CCNT1: variants seen among roughly 807,000 people sequenced by gnomAD.
CCNT1 encodes the protein cyclin-T1.
Under a neutral mutation model 67.3 loss-of-function variants are expected in CCNT1, and 18 were observed. That is an observed-to-expected ratio of 0.27 (90% confidence interval 0.18 to 0.40). The LOEUF (loss-of-function observed/expected upper bound fraction) is 0.40, where lower values mean the gene tolerates loss of function less well. Among genes scored for constraint, CCNT1 ranks in the 10% least tolerant of loss-of-function variants. The pLI is 1.00. For missense variants in CCNT1, 744 were observed against 884.9 expected, an observed-to-expected ratio of 0.84 and a Z score of 2.02; for synonymous variants, 333 against 310.3, an observed-to-expected ratio of 1.07 and a Z score of -0.77.
intron 3 of CCNT1, among the ~76,000 whole-genome samples, chr12:48,701,935 T>A (rs565074814): frequency 1.3e-5 from 2 of 149,132 alleles, no homozygotes; most frequent in South Asian, 4.2e-4. Context: ...CTCGCTCTGC[T>A]GCTCAGGCTG....
Position 48,693,636 on chromosome 12 carries a change from G to C in CCNT1, c.1578C>G (p.His526Gln). ...NHHHHHNHHS[H>Q]KHSHSQLPVG... The stretch of plus-strand genomic sequence containing the variant: ...CTGGAAGTTGGGAATGAGAGTGCTT[G>C]TGTGAGTGGTGATTATGATGATGAT... The change falls in exon 9 of 9, where the codon CAC becomes CAG. Residue 526 changes from histidine to glutamine, a missense_variant. Transcript: ENST00000261900. 6.2e-7 allele frequency: 1 copy of C among 1,614,180 alleles called. No individual in the cohort carries two copies. Among genetic ancestry groups the C allele is most frequent in the Non-Finnish European group, 8.5e-7 (1 of 1,180,028 alleles).
rs538576501 is a variant in CCNT1, at chr12:48,696,828, G to A, written c.543-666C>T. ...CAAGTCATTTGGTAATACAAGTTATGTACTAATCATTTACTTTTTTTAGAC... is the reference window on the plus strand; with the variant it reads ...CAAGTCATTTGGTAATACAAGTTATATACTAATCATTTACTTTTTTTAGAC... On this transcript the variant is annotated intron_variant, in intron 6 of 8. Transcript: ENST00000261900. 4.6e-5 allele frequency among the ~76,000 whole-genome samples: 7 copies of A among 152,260 alleles called. 1 individual carries two copies. Among genetic ancestry groups the A allele is most frequent in the South Asian group, 2.1e-4 (1 of 4,826 alleles).
At chr12:48,694,514 T>C in intron 8 of CCNT1, 78 bp from the exon 9 acceptor site, 1 of 1,324,384 alleles carries the variant, frequency 7.6e-7, no homozygotes, top group Non-Finnish European at 1.0e-6. Flanking sequence ...AGATTGTACT[T>C]GCAGCAACAC....
Position 48,693,614 on chromosome 12 carries a change from G to A in CCNT1, c.1600C>T (p.Pro534Ser). 1 of 1,614,152 alleles carries A rather than the reference G, an allele frequency of 6.2e-7. No individual in the cohort carries two copies. The highest frequency in any genetic ancestry group is 1.1e-5 in the South Asian group (1 of 91,086). The change falls in exon 9 of 9, where the codon CCA becomes TCA. Residue 534 changes from proline (P) to serine (S), a missense_variant. This residue lies in a region of CCNT1 where 564 missense variants were observed against 574.2 expected (regional missense o/e 0.98). Coordinates refer to ENST00000261900, the MANE Select transcript of CCNT1 (RefSeq NM_001240.4). Reference protein sequence around the residue: ...HSHKHSHSQLPVGTGNKRPGD... With the variant: ...HSHKHSHSQLSVGTGNKRPGD... The stretch of plus-strand genomic sequence containing the variant: ...GGACGTTTGTTCCCAGTACCAACTG[G>A]AAGTTGGGAATGAGAGTGCTTGTGT...
intron 3 of CCNT1, among the ~76,000 whole-genome samples, chr12:48,703,487 C>G (rs1438733251): frequency 6.6e-6 from 1 of 151,150 alleles, no homozygotes; most frequent in South Asian, 2.1e-4. Flanking sequence ...GCAGGCAAAT[C>G]GCTTGAACCC....
chr12:48,703,952 A>G (rs1940314079), intron 3 of CCNT1, among the ~76,000 whole-genome samples: 1 of 152,180 alleles, frequency 6.6e-6, no homozygotes, highest in African/African-American at 2.4e-5. Context: ...AATATTTTTC[A>G]TAACATTTAT....
At chr12:48,706,222 G>A (rs148021228) in intron 2 of CCNT1, among the ~76,000 whole-genome samples, 31 of 152,278 alleles carry the variant, frequency 2.0e-4, no homozygotes, top group African/African-American at 6.3e-4. Context: ...TTTTTAAGGA[G>A]TAAACTGAAA....
chr12:48,697,522 T>TAAAAAAAAAAAAAAA (rs1205232506), intron 6 of CCNT1, among the ~76,000 whole-genome samples: 3 of 116,800 alleles, frequency 2.6e-5, no homozygotes, highest in African/African-American at 1.0e-4. Context: ...GACTCTGTCT[T>TAAAAAAAAAAAAAAA]AAAAAAAAAA....
Position 48,692,884 on chromosome 12 carries a change from C to G in CCNT1, c.*149G>C, listed in dbSNP as rs1394709278. The G allele has an allele frequency of 4.9e-6, 3 of 610,486 alleles. No individual in the cohort carries two copies. The highest frequency in any genetic ancestry group is 4.3e-4 in the Middle Eastern group (1 of 2,314). The allele number at this position is 610,486 out of a possible 1,614,324, so 37.8% of individuals were successfully genotyped here. A position where few individuals can be genotyped will look rare whatever the true frequency, so the allele number is the denominator to read the frequency against. On this transcript the variant is annotated 3_prime_UTR_variant, in exon 9 of 9. Coordinates refer to ENST00000261900, the MANE Select transcript of CCNT1 (RefSeq NM_001240.4). Reference sequence around the variant, plus strand: ...ACAGCAGATATATAGCCAAGGCCTTCTACCACCCTCCTAACTATGTCTCAA... The same window carrying G: ...ACAGCAGATATATAGCCAAGGCCTTGTACCACCCTCCTAACTATGTCTCAA...
intron 2 of CCNT1, among the ~76,000 whole-genome samples, chr12:48,709,099 T>C (rs938080831): frequency 2.0e-5 from 3 of 152,072 alleles, no homozygotes; most frequent in African/African-American, 7.2e-5. Flanking sequence ...GGGGGGACTA[T>C]AACTAACTGA....
intron 2 of CCNT1, among the ~76,000 whole-genome samples, chr12:48,712,044 T>G (rs950698946): frequency 3.9e-5 from 6 of 152,184 alleles, no homozygotes; most frequent in African/African-American, 1.4e-4. Flanking sequence ...TCCGCCCATC[T>G]TGGCCTCCCA....
chr12:48,701,913 T>C (rs910074413), intron 3 of CCNT1, among the ~76,000 whole-genome samples: 4 of 149,304 alleles, frequency 2.7e-5, no homozygotes, highest in Admixed American at 6.6e-5. Context: ...GCCTTTTTTT[T>C]TGAGAGGGAG....
rs931859161 is a variant in CCNT1, at chr12:48,691,265, C to A, written c.*1768G>T. On this transcript the variant is annotated 3_prime_UTR_variant, in exon 9 of 9. Transcript: ENST00000261900. ...AGTACATCATCAATTCCAACAGCCA[C>A]AATTTTCTTCCCAACCTGTTCCTGG... 2 of 152,230 alleles carry A rather than the reference C, an allele frequency of 1.3e-5. No homozygotes were observed. Among genetic ancestry groups the A allele is most frequent in the Non-Finnish European group, 2.9e-5 (2 of 68,056 alleles). 9.4% of individuals were successfully genotyped at this position (152,230 alleles called of 1,614,324 possible).
In CCNT1 at chr12:48,693,822, G is replaced by C. The variant is rs1940123646; in HGVS notation, c.1392C>G (p.Ile464Met). Residue 464 changes from isoleucine to methionine, a missense_variant, in exon 9 of 9, where the codon ATC becomes ATG. Coordinates refer to ENST00000261900, the MANE Select transcript of CCNT1 (RefSeq NM_001240.4). The part of the protein sequence containing the change: ...KADKTALKMR[I>M]PVAGGDKAAS... ...CAGCTTTATCTCCACCTGCCACTGG[G>C]ATTCTCATTTTGAGAGCTGTTTTGT... The C allele has an allele frequency of 1.2e-6, 2 of 1,614,166 alleles. No homozygotes were observed. The highest frequency in any genetic ancestry group is 1.7e-6 in the Non-Finnish European group (2 of 1,180,030).
Position 48,691,003 on chromosome 12 carries a change from C to G in CCNT1, c.*2030G>C, listed in dbSNP as rs576208410. On this transcript the variant is annotated 3_prime_UTR_variant, in exon 9 of 9. Transcript: ENST00000261900. ...GTACTAAACCACAACTATATATCTA[C>G]CAATTATCTAACACAACATAGAAAA... is the stretch of plus-strand genomic sequence containing the variant. The G allele has an allele frequency of 7.2e-5, 11 of 152,238 alleles. No individual in the cohort carries two copies. Among genetic ancestry groups the G allele is most frequent in the African/African-American group, 2.6e-4 (11 of 41,542 alleles). The allele number at this position is 152,238 out of a possible 1,614,324, so 9.4% of individuals were successfully genotyped here.
intron 2 of CCNT1, 109 bp downstream of exon 2, chr12:48,714,333 TA>T (rs777864196): frequency 4.4e-6 from 3 of 679,356 alleles, no homozygotes; most frequent in Non-Finnish European, 7.9e-6. Context: ...TGATCAACCC[TA>T]AATTCTAAAG....
intron 3 of CCNT1, chr12:48,705,526 C>T: frequency 4.7e-6 from 2 of 421,972 alleles, no homozygotes; most frequent in East Asian, 5.0e-5. Flanking sequence ...TCCCACCTTA[C>T]CCTCCCAAAG....
At chr12:48,699,957 A>C in intron 4 of CCNT1, 117 bp from the exon 5 acceptor site, 1 of 573,956 alleles carries the variant, frequency 1.7e-6, no homozygotes, top group Non-Finnish European at 3.1e-6. Flanking sequence ...TAAAATATTA[A>C]TAGAAATTTA....
intron 2 of CCNT1, among the ~76,000 whole-genome samples, chr12:48,708,719 T>G (rs1192275336): frequency 6.6e-6 from 1 of 152,186 alleles, no homozygotes; most frequent in African/African-American, 2.4e-5. Flanking sequence ...GGATTATCTC[T>G]TTATTTCCTG....
Sources: allele counts gnomAD v4.1 joint callset (sites outside exome capture counted in the v4.1 genomes callset), GRCh38; gene constraint gnomAD v4.1.1; regional missense constraint gnomAD v4.1.1; transcripts MANE v1.5; gene names NCBI Gene and HGNC (gene_info 2026-07-23, HGNC 2026-07-21).